Variants in RAD51B observed in about 807,000 individuals in gnomAD.
The protein encoded by RAD51B is RAD51 paralog B.
A neutral mutation model predicts 42.2 loss-of-function variants in RAD51B; 38 were observed. The observed-to-expected ratio is 0.90, with a 90% CI of 0.70 to 1.18. The LOEUF is 1.18. Among genes scored for constraint, RAD51B ranks in the 50% most tolerant of loss-of-function variants. RAD51B has a pLI of 0.00. For synonymous variants in RAD51B, 154 were observed against 145.2 expected, an observed-to-expected ratio of 1.06 and a Z score of -0.43; for missense variants, 373 against 400.7, an observed-to-expected ratio of 0.93 and a Z score of 0.59.
Position 68,468,178 on chromosome 14 carries a change from A to G in RAD51B, c.964A>G (p.Ile322Val), listed in dbSNP as rs2086032605. 8.7e-6 allele frequency: 14 copies of G among 1,613,710 alleles called. No individual in the cohort carries two copies. Among genetic ancestry groups the G allele is most frequent in the Non-Finnish European group, 1.1e-5 (13 of 1,179,768 alleles). ...AAATGTGCTTTATGTGCAGATTCTTATTGCCAAGTCCCCTCTGGCTCCCTT... is the reference window on the plus strand; with the variant it reads ...AAATGTGCTTTATGTGCAGATTCTTGTTGCCAAGTCCCCTCTGGCTCCCTT... The part of the protein sequence containing the change: ...YLDSERRQIL[I>V]AKSPLAPFTS... Residue 322 changes from isoleucine (I) to valine (V), a missense_variant, in exon 10 of 11, where the codon ATT becomes GTT. Ile to Val is a conservative substitution (Grantham distance 29). Coordinates refer to ENST00000471583, the MANE Select transcript of RAD51B (RefSeq NM_133510.4).
chr14:67,868,660 T>C (rs968194961), intron 5 of RAD51B, among the ~76,000 whole-genome samples: 1 of 152,240 alleles, frequency 6.6e-6, no homozygotes, highest in Non-Finnish European at 1.5e-5. Context: ...AAGACAGCAG[T>C]AACCTCTGCA....
chr14:68,678,288 C>A (rs1442742786), intron 11 of RAD51B, among the ~76,000 whole-genome samples: 1 of 152,166 alleles, frequency 6.6e-6, no homozygotes, highest in Non-Finnish European at 1.5e-5. Context: ...AACACCCTTA[C>A]CTCCTCGGTT....
intron 8 of RAD51B, among the ~76,000 whole-genome samples, chr14:68,341,384 A>T (rs904157724): frequency 4.6e-5 from 7 of 152,206 alleles, no homozygotes; most frequent in African/African-American, 1.7e-4. Flanking sequence ...GGGTTTTCAT[A>T]AAGTTTTGTG....
At chr14:68,505,086 A>G (rs1318505429) in intron 10 of RAD51B, among the ~76,000 whole-genome samples, 5 of 152,204 alleles carry the variant, frequency 3.3e-5, no homozygotes, top group Admixed American at 6.5e-5. Flanking sequence ...GAAGTTTGAC[A>G]ATTGTTACAA....
At chr14:68,337,678 G>A (rs895071209) in intron 8 of RAD51B, among the ~76,000 whole-genome samples, 2 of 152,148 alleles carry the variant, frequency 1.3e-5, no homozygotes, top group African/African-American at 4.8e-5. Context: ...GACAGAGCAG[G>A]GGTATTTGAG....
intron 5 of RAD51B, among the ~76,000 whole-genome samples, chr14:67,873,433 A>G (rs2042613906): frequency 6.6e-6 from 1 of 151,008 alleles, no homozygotes; most frequent in African/African-American, 2.4e-5. Context: ...AAAAGTCAGG[A>G]AACAACAGGT....
intron 10 of RAD51B, among the ~76,000 whole-genome samples, chr14:68,605,663 G>C (rs1891416926): frequency 6.6e-6 from 1 of 152,166 alleles, no homozygotes; most frequent in African/African-American, 2.4e-5. Context: ...TGGACGAAGG[G>C]CCTACCCCAC....
intron 10 of RAD51B, among the ~76,000 whole-genome samples, chr14:68,635,245 C>A (rs1892319092): frequency 6.6e-6 from 1 of 152,216 alleles, no homozygotes; most frequent in Non-Finnish European, 1.5e-5. Context: ...CAGCCCCATG[C>A]CATGCACCCC....
At chr14:68,667,393 G>T (rs537595590) in intron 11 of RAD51B, among the ~76,000 whole-genome samples, 59 of 140,284 alleles carry the variant, frequency 4.2e-4, no homozygotes, top group Non-Finnish European at 7.5e-4. Flanking sequence ...ACCTATTTTG[G>T]CAGTTTCTCT....
intron 10 of RAD51B, among the ~76,000 whole-genome samples, chr14:68,504,662 C>CTTTTTTTTTCTTT (rs1885163773): frequency 2.2e-5 from 2 of 90,436 alleles, no homozygotes; most frequent in Non-Finnish European, 4.2e-5. Flanking sequence ...TTTTTTCTTT[C>CTTTTTTTTTCTTT]TTTTTTTTTT....
chr14:68,251,457 C>G (rs1240954996), intron 7 of RAD51B, among the ~76,000 whole-genome samples: 2 of 152,158 alleles, frequency 1.3e-5, no homozygotes, highest in African/African-American at 2.4e-5. Context: ...TGGTAAACAA[C>G]TTGAAACCTG....
At chr14:67,915,689 G>A (rs1367864109) in intron 7 of RAD51B, among the ~76,000 whole-genome samples, 1 of 152,186 alleles carries the variant, frequency 6.6e-6, no homozygotes, top group African/African-American at 2.4e-5. Context: ...TTATATAAGA[G>A]TTGGATTTAT....
intron 9 of RAD51B, among the ~76,000 whole-genome samples, chr14:68,459,921 G>A (rs1456431931): frequency 1.3e-5 from 2 of 152,266 alleles, no homozygotes; most frequent in Middle Eastern, 3.4e-3. Context: ...TTGGGGTTGG[G>A]GTGGGAAGGG....
intron 7 of RAD51B, among the ~76,000 whole-genome samples, chr14:68,085,178 TAGAC>T (rs1566631884): frequency 2.0e-5 from 3 of 152,216 alleles, no homozygotes; most frequent in African/African-American, 7.2e-5. Context: ...AAGGAAGAGT[TAGAC>T]AGTGAACTTG....
chr14:68,629,420 T>C, intron 10 of RAD51B, among the ~76,000 whole-genome samples: 1 of 152,344 alleles, frequency 6.6e-6, no homozygotes, highest in Non-Finnish European at 1.5e-5. Context: ...GCATTTCACA[T>C]TGGGTCTTGG....
chr14:68,181,394 G>C (rs1250350529), intron 7 of RAD51B, among the ~76,000 whole-genome samples: 2 of 152,220 alleles, frequency 1.3e-5, no homozygotes, highest in Admixed American at 6.5e-5. Context: ...CAGGTGTGCA[G>C]ACTGCCCAGG....
intron 11 of RAD51B, among the ~76,000 whole-genome samples, chr14:68,673,598 T>TATGCACAC (rs1893219885): frequency 1.6e-5 from 2 of 123,712 alleles, no homozygotes; most frequent in African/African-American, 7.3e-5. Context: ...TACACATATG[T>TATGCACAC]ACATGCACAC....
At chr14:68,305,149 A>G (rs1344553014) in intron 8 of RAD51B, among the ~76,000 whole-genome samples, 5 of 152,336 alleles carry the variant, frequency 3.3e-5, no homozygotes, top group African/African-American at 2.4e-5. Flanking sequence ...ACCACTTGGT[A>G]TAGTTCAAAT....
intron 10 of RAD51B, chr14:68,540,553 G>A (rs922656295): frequency 5.5e-5 from 54 of 985,190 alleles, no homozygotes; most frequent in African/African-American, 8.7e-5. Flanking sequence ...CAAACAATAA[G>A]TATTTGCAAA....
Sources: gnomAD v4.1 joint callset for allele counts (sites outside exome capture counted in the v4.1 genomes callset) on GRCh38, gnomAD v4.1.1 for gene constraint, MANE v1.5 for transcripts, NCBI Gene and HGNC (gene_info 2026-07-23, HGNC 2026-07-21) for gene names.